Variants in CDK6 observed in about 807,000 individuals in gnomAD.
The protein encoded by CDK6 is cyclin dependent kinase 6, also known as cyclin-dependent kinase 6.
CDK6 carries 6 observed loss-of-function variants against 37.1 expected under a neutral mutation model. That is an observed-to-expected ratio of 0.16 (90% CI 0.09 to 0.32). CDK6 has a LOEUF of 0.32. Ranked by LOEUF, CDK6 falls within the 10% of genes least tolerant of loss-of-function variation. The pLI is 1.00. For missense variants in CDK6, 224 were observed against 418.9 expected (o/e 0.53, Z 4.06); for synonymous variants, 160 against 161.3 (o/e 0.99, Z 0.06).
intron 4 of CDK6, among the ~76,000 whole-genome samples, chr7:92,718,573 G>A (rs1465798235): frequency 6.6e-6 from 1 of 152,122 alleles, no homozygotes; most frequent in African/African-American, 2.4e-5. Flanking sequence ...ACTGGGTGCC[G>A]TGGAATGAGT....
At chr7:92,631,860 T>C (rs1021203957) in intron 5 of CDK6, among the ~76,000 whole-genome samples, 3 of 152,126 alleles carry the variant, frequency 2.0e-5, no homozygotes, top group African/African-American at 4.8e-5. Context: ...CCTCTGAAAA[T>C]GAACTAGCTA....
At chr7:92,622,098 T>G (rs1186568365) in intron 6 of CDK6, among the ~76,000 whole-genome samples, 2 of 151,846 alleles carry the variant, frequency 1.3e-5, no homozygotes, top group African/African-American at 4.8e-5. Context: ...ATCAGGGCTA[T>G]TTTTGGTCTA....
intron 5 of CDK6, among the ~76,000 whole-genome samples, chr7:92,664,207 A>C (rs539041216): frequency 2.0e-5 from 3 of 152,260 alleles, no homozygotes; most frequent in South Asian, 4.1e-4. Context: ...GAAAAAAAAA[A>C]CAAAAACAGA....
chr7:92,729,222 G>A (rs748353362), intron 3 of CDK6, among the ~76,000 whole-genome samples: 104 of 152,040 alleles, frequency 6.8e-4, no homozygotes, highest in Non-Finnish European at 8.7e-4. Context: ...TTATAGTATC[G>A]TGAGGCATAC....
intron 4 of CDK6, among the ~76,000 whole-genome samples, chr7:92,695,290 GAAAGA>G (rs1456856234): frequency 6.7e-6 from 1 of 149,896 alleles, no homozygotes; most frequent in Non-Finnish European, 1.5e-5. Context: ...AAAAAAGAAA[GAAAGA>G]AAGAAAGAAA....
chr7:92,623,022 T>G lies in CDK6; in HGVS notation c.698+14A>C. The stretch of plus-strand genomic sequence containing the variant: ...TGCTATGGACACTGGTGTAAAATTA[T>G]AATTATTACTTACTCCAAGATTTTT... On this transcript the variant is annotated intron_variant, in intron 6 of 7. Coordinates refer to ENST00000424848, the MANE Select transcript of CDK6 (RefSeq NM_001145306.2). 1 of 1,524,622 alleles carries G rather than the reference T, an allele frequency of 6.6e-7. No homozygotes were observed. The allele number at this position is 1,524,622 out of a possible 1,614,324, so 94.4% of individuals were successfully genotyped here.
intron 5 of CDK6, among the ~76,000 whole-genome samples, chr7:92,670,704 C>T (rs140003259): frequency 6.6e-6 from 1 of 152,310 alleles, no homozygotes; most frequent in Non-Finnish European, 1.5e-5. Context: ...AGCCTACGCA[C>T]CAACCCTATA....
chr7:92,640,372 T>C (rs1357217107), intron 5 of CDK6, among the ~76,000 whole-genome samples: 1 of 152,178 alleles, frequency 6.6e-6, no homozygotes, highest in South Asian at 2.1e-4. Flanking sequence ...ATAGTAGACT[T>C]CAGGTCCAGT....
intron 3 of CDK6, among the ~76,000 whole-genome samples, chr7:92,742,433 G>C (rs532600429): frequency 6.6e-6 from 1 of 152,186 alleles, no homozygotes; most frequent in African/African-American, 2.4e-5. Context: ...TCATCTCAGA[G>C]TGTCAGACAT....
In CDK6 at chr7:92,834,291, CCTTT is replaced by C. The variant is rs1456523106; in HGVS notation, c.-367-605_-367-602del. ...TCAGACATCTGCTCAGAAATTGCTT[CCTTT>C]CTTTCTACTTTCAGTTTTTCTACGA... On this transcript the variant is annotated intron_variant, in intron 1 of 7. Coordinates refer to ENST00000424848, the MANE Select transcript of CDK6 (RefSeq NM_001145306.2). The surrounding 1 kb of genome is among the most constrained non-coding windows in gnomAD (Gnocchi z 4.6). Among the ~76,000 whole-genome samples the C allele has an allele frequency of 1.3e-5, 2 of 152,068 alleles. No homozygotes were observed. The highest frequency in any genetic ancestry group is 2.9e-5 in the Non-Finnish European group (2 of 68,006).
intron 3 of CDK6, among the ~76,000 whole-genome samples, chr7:92,762,431 C>G (rs1236908980): frequency 1.3e-5 from 2 of 152,102 alleles, no homozygotes; most frequent in African/African-American, 4.8e-5. Flanking sequence ...CCATCTTAGT[C>G]TCAACAAACA....
At chr7:92,718,615 G>A (rs1020510069) in intron 4 of CDK6, among the ~76,000 whole-genome samples, 8 of 152,100 alleles carry the variant, frequency 5.3e-5, no homozygotes, top group East Asian at 1.9e-4. Flanking sequence ...CCCCAAGCAC[G>A]AATTGCATGA....
In CDK6 at chr7:92,787,481, T is replaced by C. The variant is rs1001366587; in HGVS notation, c.234-12650A>G. On this transcript the variant is annotated intron_variant, in intron 2 of 7. Transcript: ENST00000424848. ...AAAATCAAACATGTAAAAACATAAA[T>C]TCTTTTGTATTTAGAATTGTTTATG... 2.6e-5 allele frequency among the ~76,000 whole-genome samples: 4 copies of C among 152,226 alleles called. No homozygotes were observed. The East Asian group carries it at 7.7e-4, about 29-fold the overall frequency.
chr7:92,794,499 TAC>T (rs1351024656), intron 2 of CDK6, among the ~76,000 whole-genome samples: 1 of 152,114 alleles, frequency 6.6e-6, no homozygotes, highest in African/African-American at 2.4e-5. Context: ...TAAAAATACT[TAC>T]AGTTGCTAGA....
At chr7:92,653,419 C>T (rs1214129947) in intron 5 of CDK6, among the ~76,000 whole-genome samples, 3 of 152,206 alleles carry the variant, frequency 2.0e-5, no homozygotes, top group Non-Finnish European at 4.4e-5. Context: ...AAACCTGGAA[C>T]TACTGTAACC....
chr7:92,669,697 G>A (rs1797033298), intron 5 of CDK6, among the ~76,000 whole-genome samples: 1 of 152,238 alleles, frequency 6.6e-6, no homozygotes, highest in African/African-American at 2.4e-5. Flanking sequence ...AAGAATCGCT[G>A]AAGGTACTTT....
intron 6 of CDK6, among the ~76,000 whole-genome samples, chr7:92,622,059 G>A (rs1287018398): frequency 2.0e-5 from 3 of 150,670 alleles, no homozygotes; most frequent in Admixed American, 1.3e-4. Context: ...AAAATCACTG[G>A]GATTCCTATA....
intron 4 of CDK6, among the ~76,000 whole-genome samples, chr7:92,710,503 C>T (rs1798065043): frequency 6.6e-6 from 1 of 152,122 alleles, no homozygotes; most frequent in African/African-American, 2.4e-5. Context: ...AGCAACAGCA[C>T]CAATTGCAGA....
At chr7:92,725,456 T>C (rs573470077) in intron 4 of CDK6, among the ~76,000 whole-genome samples, 170 bp downstream of exon 4, 75 of 152,358 alleles carry the variant, frequency 4.9e-4, no homozygotes, top group Non-Finnish European at 5.9e-5. Context: ...TGACTGTAGC[T>C]GTAAGCAGAA....
Sources: allele counts gnomAD v4.1 joint callset (sites outside exome capture counted in the v4.1 genomes callset), GRCh38; gene constraint gnomAD v4.1.1; non-coding constraint Gnocchi (gnomAD v3.1); transcripts MANE v1.5; gene names NCBI Gene and HGNC (gene_info 2026-07-23, HGNC 2026-07-21).